ADAM28: variants seen among roughly 807,000 people sequenced by gnomAD.
The protein encoded by ADAM28 is disintegrin and metalloproteinase domain-containing protein 28.
ADAM28 carries 105 observed loss-of-function variants against 101.2 expected under a neutral mutation model. That is an observed-to-expected ratio of 1.04 (90% CI 0.89 to 1.22). The LOEUF (loss-of-function observed/expected upper bound fraction) is 1.22, where lower values mean the gene tolerates loss of function less well. Among genes scored for constraint, ADAM28 ranks in the 50% most tolerant of loss-of-function variants. The pLI is 0.00. For synonymous variants in ADAM28, 322 were observed against 310.6 expected (o/e 1.04, Z -0.39); for missense variants, 1,028 against 945.4 (o/e 1.09, Z -1.15).
chr8:24,326,232 G>C (rs1165803082), intron 9 of ADAM28, among the ~76,000 whole-genome samples: 1 of 151,918 alleles, frequency 6.6e-6, no homozygotes, highest in Non-Finnish European at 1.5e-5. Context: ...ATCAAAACAA[G>C]ATACATGTAG....
Position 24,299,991 on chromosome 8 carries a change from C to A in ADAM28, c.64C>A (p.Leu22Ile). ...TTTCTCAGTAAGTGCTATAAAAGAA[C>A]TCCCTGGGGTGAAGAAGTATGAAGT... ...LSVAVSAIKE[L>I]PGVKKYEVVY... is the part of the protein sequence containing the mutation. The change falls in exon 2 of 23, where the codon CTC (leucine) becomes ATC (isoleucine). Residue 22 changes from leucine (L) to isoleucine (I), a missense_variant. Leu to Ile is a conservative substitution (Grantham distance 5). Transcript: ENST00000265769. 1 of 1,612,436 alleles carries A rather than the reference C, an allele frequency of 6.2e-7. No individual in the cohort carries two copies.
intron 2 of ADAM28, chr8:24,308,749 C>A (rs1810036316): frequency 4.4e-6 from 2 of 455,290 alleles, no homozygotes; most frequent in Non-Finnish European, 8.8e-6. Flanking sequence ...CAGACCTCAA[C>A]AACTGAGGAT....
Position 24,300,081 on chromosome 8 carries a change from C to G in ADAM28, c.150+4C>G. On this transcript the variant is annotated splice_donor_region_variant and intron_variant, in intron 2 of 22. Transcript: ENST00000265769. The stretch of plus-strand genomic sequence containing the variant: ...GGCCAAAGAGCCAGAGCAACAGGTA[C>G]AGCTTTTGATTTATCAAAGGATCTT... The G allele has an allele frequency of 1.2e-6, 2 of 1,610,238 alleles. No homozygotes were observed. Among genetic ancestry groups the G allele is most frequent in the Admixed American group, 1.7e-5 (1 of 59,578 alleles).
chr8:24,348,400 C>CTA (rs1815674539), intron 18 of ADAM28, among the ~76,000 whole-genome samples: 1 of 152,036 alleles, frequency 6.6e-6, no homozygotes, highest in East Asian at 1.9e-4. Flanking sequence ...CTCCATAAAC[C>CTA]TACATTAACA....
At position 24,330,108 on chromosome 8, in the gene ADAM28, G is replaced by T. The variant is rs1474160617; in HGVS notation, c.1096G>T (p.Ala366Ser). 3.1e-6 allele frequency: 5 copies of T among 1,612,906 alleles called. No homozygotes were observed. In the African/African-American group the frequency reaches 6.7e-5, roughly 22 times the overall value. The change falls in exon 11 of 23, where the codon GCA (alanine) becomes TCA (serine). Residue 366 changes from alanine to serine, a missense_variant. Ala to Ser is a moderately conservative substitution (Grantham distance 99). Coordinates refer to ENST00000265769, the MANE Select transcript of ADAM28 (RefSeq NM_014265.6). ...CPSTICVMDK[A>S]LSFYIPTDFS... ...TTCTACAATATGTGTGATGGACAAA[G>T]CACTGAGGTGAGGCTCTCTGGGCCC...
chr8:24,346,707 C>T (rs940060494), intron 18 of ADAM28, among the ~76,000 whole-genome samples: 14 of 151,928 alleles, frequency 9.2e-5, no homozygotes, highest in East Asian at 1.9e-4. Context: ...ACAAAATGAA[C>T]GCTCATGTAA....
intron 14 of ADAM28, chr8:24,336,115 AG>A (rs946309080): frequency 9.1e-6 from 9 of 986,394 alleles, no homozygotes; most frequent in African/African-American, 3.5e-5. Context: ...GATGGAAAAA[AG>A]AAAAGAACTC....
intron 19 of ADAM28, 74 bp downstream of exon 19, chr8:24,350,046 C>A: frequency 8.0e-7 from 1 of 1,256,842 alleles, no homozygotes; most frequent in Non-Finnish European, 1.1e-6. Context: ...CAATGTATAA[C>A]CTATCCTTTC....
chr8:24,299,600 G>T (rs779045420), intron 1 of ADAM28, among the ~76,000 whole-genome samples: 1 of 152,108 alleles, frequency 6.6e-6, no homozygotes, highest in Non-Finnish European at 1.5e-5. Flanking sequence ...GGACTGATTC[G>T]CTTCTCAGAG....
In ADAM28 at chr8:24,299,860, A is replaced by G. The variant is rs963656371; in HGVS notation, c.47-114A>G. ...CACATTAATCACTCTGACATTCATC[A>G]CTTCAGGCTTCTGTGTGTGGCATCG... On this transcript the variant is annotated intron_variant, in intron 1 of 22. Coordinates refer to ENST00000265769, the MANE Select transcript of ADAM28 (RefSeq NM_014265.6). 2.4e-5 allele frequency: 17 copies of G among 702,146 alleles called. No homozygotes were observed. In the African/African-American group the frequency reaches 2.7e-4, roughly 11 times the overall value. The allele number at this position is 702,146 out of a possible 1,614,324, so 43.5% of individuals were successfully genotyped here. A position where few individuals can be genotyped will look rare whatever the true frequency, so the allele number is the denominator to read the frequency against.
chr8:24,335,924 G>A, intron 14 of ADAM28: 1 of 1,114,430 alleles, frequency 9.0e-7, no homozygotes, highest in Non-Finnish European at 1.1e-6. Context: ...TATTTGAGGT[G>A]TGCTCATACT....
At chr8:24,341,181 T>C (rs1814717279) in intron 15 of ADAM28, 1 of 155,574 alleles carries the variant, frequency 6.4e-6, no homozygotes, top group Admixed American at 6.5e-5. Flanking sequence ...TCTAGCTCCA[T>C]CATCCACATG....
chr8:24,334,637 G>A (rs191382404), intron 13 of ADAM28, among the ~76,000 whole-genome samples: 6 of 152,316 alleles, frequency 3.9e-5, no homozygotes, highest in African/African-American at 1.4e-4. Context: ...GCTTTGGGTT[G>A]AATTTGTAGG....
At chr8:24,306,268 T>C (rs979983653) in intron 2 of ADAM28, among the ~76,000 whole-genome samples, 2 of 149,890 alleles carry the variant, frequency 1.3e-5, no homozygotes, top group African/African-American at 2.5e-5. Flanking sequence ...ACTTGAACCC[T>C]GGGAGGCAGA....
At position 24,313,857 on chromosome 8, in the gene ADAM28, G is replaced by A. The variant is rs960871727; in HGVS notation, c.576+277G>A. 2.6e-5 allele frequency among the ~76,000 whole-genome samples: 4 copies of A among 151,062 alleles called. No individual in the cohort carries two copies. In the East Asian group the frequency reaches 7.9e-4, roughly 30 times the overall value. ...ATCACATCTTCCACCTCCCAGGTTT[G>A]AGTGATTCTCCTGTCTCAGCCTCCT... is the stretch of plus-strand genomic sequence containing the variant. On this transcript the variant is annotated intron_variant, in intron 6 of 22. Coordinates refer to ENST00000265769, the MANE Select transcript of ADAM28 (RefSeq NM_014265.6).
At chr8:24,339,334 G>A (rs1814474776) in intron 14 of ADAM28, 132 bp from the exon 15 acceptor site, 2 of 672,004 alleles carry the variant, frequency 3.0e-6, no homozygotes, top group Non-Finnish European at 5.0e-6. Context: ...TGCTAAAATA[G>A]TATTTTTCTT....
At chr8:24,328,516 G>A (rs1812922973) in intron 10 of ADAM28, among the ~76,000 whole-genome samples, 1 of 152,042 alleles carries the variant, frequency 6.6e-6, no homozygotes, top group Non-Finnish European at 1.5e-5. Flanking sequence ...AATTGGAAGA[G>A]AAACTGGCCT....
chr8:24,313,513 G>A lies in ADAM28; in HGVS notation c.509G>A (p.Gly170Glu), dbSNP rs755646329. ...PDEKNYDSTC[G>E]MDGVLWAHDL... The stretch of plus-strand genomic sequence containing the variant: ...GAAAAGAATTATGACAGCACCTGTG[G>A]GATGGATGGTGTGTTGTGGGCCCAC... The change falls in exon 6 of 23, where the codon GGG becomes GAG. Residue 170 changes from glycine to glutamate, a missense_variant. Physicochemically the swap from Gly to Glu is moderately conservative, Grantham distance 98 (BLOSUM62 -2). Transcript: ENST00000265769. 12 of 1,613,726 alleles carry A rather than the reference G, an allele frequency of 7.4e-6. No homozygotes were observed. In the East Asian group the frequency reaches 2.2e-4, roughly 30 times the overall value.
chr8:24,328,380 C>A (rs1812904504), intron 10 of ADAM28, among the ~76,000 whole-genome samples: 1 of 151,692 alleles, frequency 6.6e-6, no homozygotes, highest in Non-Finnish European at 1.5e-5. Context: ...CTTTCTACAT[C>A]CTAGATAGAA....
Sources: gnomAD v4.1 joint callset for allele counts (sites outside exome capture counted in the v4.1 genomes callset) on GRCh38, gnomAD v4.1.1 for gene constraint, MANE v1.5 for transcripts, NCBI Gene and HGNC (gene_info 2026-07-23, HGNC 2026-07-21) for gene names.